Variants in ZNF483 observed in about 807,000 individuals in gnomAD.
ZNF483 encodes the protein zinc finger protein HIT-10.
In ZNF483, 9 loss-of-function variants were observed where a neutral mutation model predicts 28.6. The observed-to-expected ratio is 0.32, with a 90% CI of 0.19 to 0.55. The LOEUF (loss-of-function observed/expected upper bound fraction) is 0.55, where lower values mean the gene tolerates loss of function less well. ZNF483 is among the 20% of genes least tolerant of loss of function. The pLI, the probability that ZNF483 is intolerant of heterozygous loss-of-function variation, is 0.93. For synonymous variants in ZNF483, 322 were observed against 306.2 expected, an observed-to-expected ratio of 1.05 and a Z score of -0.54; for missense variants, 675 against 871.7, an observed-to-expected ratio of 0.77 and a Z score of 2.84.
intron 5 of ZNF483, 118 bp downstream of exon 5, chr9:111,534,471 G>T: frequency 3.7e-6 from 3 of 818,348 alleles, no homozygotes; most frequent in Non-Finnish European, 5.8e-6. Context: ...TTAGAATAGA[G>T]CCCTTGCCTT....
chr9:111,570,085 C>T (rs373237547), intron 5 of ZNF483: 22 of 1,613,944 alleles, frequency 1.4e-5, no homozygotes, highest in Non-Finnish European at 1.8e-5. Context: ...CTCCGGAGCT[C>T]CTTACCTCTA....
chr9:111,564,727 T>C (rs1376002071), intron 5 of ZNF483, among the ~76,000 whole-genome samples: 2 of 152,184 alleles, frequency 1.3e-5, no homozygotes, highest in Non-Finnish European at 2.9e-5. Flanking sequence ...CGAATACTGT[T>C]ATGGACTGAA....
chr9:111,542,274 G>A lies in ZNF483; in HGVS notation c.1339G>A (p.Ala447Thr), dbSNP rs1207224770. 2 of 1,614,188 alleles carry A rather than the reference G, an allele frequency of 1.2e-6. No homozygotes were observed. Among genetic ancestry groups the A allele is most frequent in the East Asian group, 4.5e-5 (2 of 44,890 alleles). Residue 447 changes from alanine to threonine, a missense_variant, in exon 6 of 6, where the codon GCC (alanine) becomes ACC (threonine). Ala to Thr is a moderately conservative substitution (Grantham distance 58, BLOSUM62 0). Coordinates refer to ENST00000309235, the MANE Select transcript of ZNF483 (RefSeq NM_133464.5). The surrounding 1 kb of genome is among the most constrained non-coding windows in gnomAD (Gnocchi z 6.2). ...KTHKCSKCGK[A>T]FGYSASLTKH... ...TCATAAATGTAGTAAGTGTGGAAAAGCCTTTGGCTATAGCGCCTCACTCAC... is the reference window on the plus strand; with the variant it reads ...TCATAAATGTAGTAAGTGTGGAAAAACCTTTGGCTATAGCGCCTCACTCAC...
In ZNF483 at chr9:111,544,372, G is replaced by GTGTGTA. The variant is rs60501645; in HGVS notation, c.*1203_*1204insGTGTAT. ...CATGTGTGTGTGTGTGTGTGTGTGT[G>GTGTGTA]TATACATTGTTGCCACTATCTAAAA... On this transcript the variant is annotated 3_prime_UTR_variant, in exon 6 of 6. Coordinates refer to ENST00000309235, the MANE Select transcript of ZNF483 (RefSeq NM_133464.5). 1.1e-5 allele frequency: 10 copies of GTGTGTA among 944,080 alleles called. No homozygotes were observed. The highest frequency in any genetic ancestry group is 1.3e-5 in the Non-Finnish European group (10 of 795,944). The allele number at this position is 944,080 out of a possible 1,614,324, so 58.5% of individuals were successfully genotyped here.
rs961128552 is a variant in ZNF483 at position 111,549,633 on chromosome 9, C to T, written c.*6463C>T. ...CCTACCTGTAGCTCTTCTGGGGCAG[C>T]GGTCGTGGTGGTGGTGGCAGCGGCA... is the stretch of plus-strand genomic sequence containing the variant. On this transcript the variant is annotated 3_prime_UTR_variant, in exon 6 of 6. Transcript: ENST00000309235. 20 of 1,116,114 alleles carry T rather than the reference C, an allele frequency of 1.8e-5. No homozygotes were observed. The highest frequency in any genetic ancestry group is 8.0e-5 in the African/African-American group (5 of 62,424). 69.1% of individuals were successfully genotyped at this position (1,116,114 alleles called of 1,614,324 possible). A position where few individuals can be genotyped will look rare whatever the true frequency, so the allele number is the denominator to read the frequency against.
chr9:111,558,519 A>G (rs771589541), downstream of ZNF483, among the ~76,000 whole-genome samples: 1 of 152,202 alleles, frequency 6.6e-6, no homozygotes. Flanking sequence ...TTAAAAAAAG[A>G]AAACTGAAAA....
chr9:111,574,280 A>G (rs1210357740), intron 5 of ZNF483: 1 of 151,904 alleles, frequency 6.6e-6, no homozygotes, highest in Non-Finnish European at 1.5e-5. Context: ...CTCTACATAA[A>G]AATCTAATAT....
intron 2 of ZNF483, among the ~76,000 whole-genome samples, chr9:111,530,581 T>C (rs190239494): frequency 4.0e-5 from 6 of 151,054 alleles, no homozygotes; most frequent in Admixed American, 6.6e-5. Context: ...TCCAGGTAGA[T>C]AGCATTAGAA....
intron 5 of ZNF483, among the ~76,000 whole-genome samples, chr9:111,540,104 C>T (rs966506644): frequency 2.6e-5 from 4 of 151,712 alleles, no homozygotes; most frequent in Admixed American, 6.6e-5. Flanking sequence ...TGCACTCCAG[C>T]GTAGGCAACA....
At chr9:111,536,783 G>A (rs1827514589) in intron 5 of ZNF483, among the ~76,000 whole-genome samples, 1 of 151,078 alleles carries the variant, frequency 6.6e-6, no homozygotes, top group African/African-American at 2.4e-5. Flanking sequence ...ATAGCCTACT[G>A]TTGACCTGAA....
At chr9:111,527,113 A>AT (rs1464627465) in intron 1 of ZNF483, among the ~76,000 whole-genome samples, 155 bp from the exon 2 acceptor site, 4 of 152,094 alleles carry the variant, frequency 2.6e-5, no homozygotes, top group Non-Finnish European at 5.9e-5. Flanking sequence ...AAAAAAAAAA[A>AT]GAAAGAAAGT....
intron 5 of ZNF483, among the ~76,000 whole-genome samples, chr9:111,541,318 T>A (rs1010466222): frequency 1.3e-5 from 2 of 152,140 alleles, no homozygotes; most frequent in African/African-American, 4.8e-5. Flanking sequence ...CTTGATCTCC[T>A]GACCTCATGA....
chr9:111,565,916 T>C (rs1382651846), intron 5 of ZNF483, among the ~76,000 whole-genome samples: 1 of 152,110 alleles, frequency 6.6e-6, no homozygotes, highest in African/African-American at 2.4e-5. Flanking sequence ...AACTCACGAC[T>C]TAAAACCCAC....
At chr9:111,535,375 A>G (rs1176598151) in intron 5 of ZNF483, among the ~76,000 whole-genome samples, 1 of 152,212 alleles carries the variant, frequency 6.6e-6, no homozygotes, top group Non-Finnish European at 1.5e-5. Context: ...ATTTGAGTTG[A>G]ATCTTGAAGG....
At chr9:111,559,460 CTCTGATACACCA>C (rs1828213048), downstream of ZNF483, among the ~76,000 whole-genome samples, 1 of 152,152 alleles carries the variant, frequency 6.6e-6, no homozygotes, top group African/African-American at 2.4e-5. Flanking sequence ...TGTTGTTGGG[CTCTGATACACCA>C]TCTGGGAAAC....
At chr9:111,570,912 T>C (rs1828790019) in intron 5 of ZNF483, among the ~76,000 whole-genome samples, 1 of 151,956 alleles carries the variant, frequency 6.6e-6, no homozygotes, top group Non-Finnish European at 1.5e-5. Flanking sequence ...GGACAGAATA[T>C]GGGGTGATAG....
At chr9:111,570,042 G>A (rs1377093728) in intron 5 of ZNF483, 1 of 1,610,316 alleles carries the variant, frequency 6.2e-7, no homozygotes, top group South Asian at 1.1e-5. Context: ...GAGGCAAAGG[G>A]AGTGTGACCT....
rs964480778 is a variant in ZNF483 at position 111,525,277 on chromosome 9, G to A, written c.-129+15G>A. The A allele has an allele frequency of 2.0e-5, 3 of 152,212 alleles. No homozygotes were observed. The highest frequency in any genetic ancestry group is 7.2e-5 in the African/African-American group (3 of 41,450). The allele number at this position is 152,212 out of a possible 1,614,324, so 9.4% of individuals were successfully genotyped here. ...TGCTGATGCAGGTACTGGTCGTCCC[G>A]GGCCCCGAGTTTCGGGGCCGTGGCC... On this transcript the variant is annotated intron_variant, in intron 1 of 5. Transcript: ENST00000309235.
At position 111,547,085 on chromosome 9, in the gene ZNF483, C is replaced by A. The variant is rs1212890492; in HGVS notation, c.*3915C>A. Among the ~76,000 whole-genome samples, 1 of 152,120 alleles carries A rather than the reference C, an allele frequency of 6.6e-6. No individual in the cohort carries two copies. Among genetic ancestry groups the A allele is most frequent in the Admixed American group, 6.5e-5 (1 of 15,270 alleles). On this transcript the variant is annotated 3_prime_UTR_variant, in exon 6 of 6. Transcript: ENST00000309235. Reference sequence around the variant, plus strand: ...TACCACATTTTGTTTATCCTTTTATCTGCCAGTGAACATTTAAGTTGTTTG... The same window carrying A: ...TACCACATTTTGTTTATCCTTTTATATGCCAGTGAACATTTAAGTTGTTTG...
Sources: gnomAD v4.1 joint callset for allele counts (sites outside exome capture counted in the v4.1 genomes callset) on GRCh38, gnomAD v4.1.1 for gene constraint, Gnocchi (gnomAD v3.1) non-coding constraint, MANE v1.5 for transcripts, NCBI Gene and HGNC (gene_info 2026-07-23, HGNC 2026-07-21) for gene names.